Variants in ANO1 observed in about 807,000 individuals in gnomAD.
ANO1 encodes the protein anoctamin 1, also known as anoctamin-1.
ANO1 carries 59 observed loss-of-function variants against 124.0 expected under a neutral mutation model. The observed-to-expected ratio is 0.48, with a 90% CI of 0.39 to 0.59. ANO1 has a LOEUF of 0.59. ANO1 is among the 20% of genes least tolerant of loss of function. The probability of loss-of-function intolerance (pLI) is 0.00; values close to 1 mark genes in which losing one functional copy is unlikely to be tolerated. For missense variants in ANO1, 1,059 were observed against 1,328.0 expected, an observed-to-expected ratio of 0.80 and a Z score of 3.15; for synonymous variants, 529 against 532.0, an observed-to-expected ratio of 0.99 and a Z score of 0.08.
intron 7 of ANO1, among the ~76,000 whole-genome samples, chr11:70,112,000 T>C (rs1391162775): frequency 6.6e-6 from 1 of 152,134 alleles, no homozygotes; most frequent in African/African-American, 2.4e-5. Flanking sequence ...GGGTGGCAGC[T>C]GCTCCTGCCT....
intron 2 of ANO1, among the ~76,000 whole-genome samples, chr11:70,094,032 A>T (rs974155795): frequency 6.6e-6 from 1 of 152,130 alleles, no homozygotes; most frequent in Non-Finnish European, 1.5e-5. Context: ...TTCCTTGTGG[A>T]GTGGTGGGTG....
chr11:70,116,313 C>T (rs1417673183), intron 7 of ANO1, 145 bp from the exon 8 acceptor site: 3 of 901,414 alleles, frequency 3.3e-6, no homozygotes, highest in Middle Eastern at 2.3e-4. Context: ...GCAACCCTCA[C>T]ACTCTGTGTG....
chr11:70,080,055 C>T (rs1234650825), intron 1 of ANO1, among the ~76,000 whole-genome samples: 1 of 152,244 alleles, frequency 6.6e-6, no homozygotes, highest in Non-Finnish European at 1.5e-5. Flanking sequence ...CCCCTGGGCA[C>T]CCTCAAAGAA....
At chr11:70,089,042 G>A (rs1398462652) in intron 2 of ANO1, among the ~76,000 whole-genome samples, 2 of 152,208 alleles carry the variant, frequency 1.3e-5, no homozygotes, top group Non-Finnish European at 2.9e-5. Flanking sequence ...TAGCACAGCG[G>A]TGCTTCCTTC....
intron 8 of ANO1, among the ~76,000 whole-genome samples, chr11:70,121,632 G>GTCTGTCTC (rs1358658145): frequency 1.0e-5 from 1 of 98,234 alleles, no homozygotes; most frequent in South Asian, 3.3e-4. Flanking sequence ...CCACCTCTCT[G>GTCTGTCTC]TCTGTCTCTC....
intron 1 of ANO1, among the ~76,000 whole-genome samples, chr11:70,037,536 A>G (rs1591049836): frequency 6.6e-6 from 1 of 152,054 alleles, no homozygotes; most frequent in South Asian, 2.1e-4. Flanking sequence ...CCAAGGAAGG[A>G]CCCAGGTGGC....
the ANO1 span, among the ~76,000 whole-genome samples, chr11:69,979,121 TC>T: frequency 6.6e-6 from 1 of 152,216 alleles, no homozygotes; most frequent in Non-Finnish European, 1.5e-5. Flanking sequence ...CTTGAGCCTT[TC>T]ACCTGTCTCA....
In ANO1 at chr11:70,188,224, A is replaced by G; in HGVS notation, c.*220A>G. ...ATGCAGGGAATATTTTTTAATCTGT[A>G]GTATTCAAGATGAATCAAAATGATG... On this transcript the variant is annotated 3_prime_UTR_variant, in exon 26 of 26. Coordinates refer to ENST00000355303, the MANE Select transcript of ANO1 (RefSeq NM_018043.7). 1.6e-6 allele frequency: 1 copy of G among 614,550 alleles called. No homozygotes were observed. Among genetic ancestry groups the G allele is most frequent in the Non-Finnish European group, 2.8e-6 (1 of 356,230 alleles). 38.1% of individuals were successfully genotyped at this position (614,550 alleles called of 1,614,324 possible). A position where few individuals can be genotyped will look rare whatever the true frequency, so the allele number is the denominator to read the frequency against.
At chr11:70,154,546 A>G (rs911811803) in intron 14 of ANO1, among the ~76,000 whole-genome samples, 1 of 142,004 alleles carries the variant, frequency 7.0e-6, no homozygotes, top group South Asian at 2.2e-4. Flanking sequence ...AGCTCACTGC[A>G]AGCTCTGCCT....
At chr11:70,026,244 T>A in intron 1 of ANO1, among the ~76,000 whole-genome samples, 1 of 128,774 alleles carries the variant, frequency 7.8e-6, no homozygotes, top group Non-Finnish European at 1.7e-5. Flanking sequence ...ATGGTGGTGG[T>A]GATGACAATG....
At chr11:70,111,567 G>A in intron 6 of ANO1, 140 bp from the exon 7 acceptor site, 1 of 748,600 alleles carries the variant, frequency 1.3e-6, no homozygotes, top group Non-Finnish European at 2.3e-6. Flanking sequence ...CCCCAGAGGT[G>A]GCCGGGCTCT....
chr11:70,130,393 T>A (rs2046705125), intron 10 of ANO1, among the ~76,000 whole-genome samples: 1 of 152,174 alleles, frequency 6.6e-6, no homozygotes, highest in Non-Finnish European at 1.5e-5. Context: ...GAGCAGTAGA[T>A]GAGAGCCGGC....
chr11:70,049,199 A>C (rs562983458), intron 1 of ANO1, among the ~76,000 whole-genome samples: 163 of 152,300 alleles, frequency 1.1e-3, no homozygotes, highest in African/African-American at 3.9e-3. Context: ...CTGGAAGCTC[A>C]GCTCCCACCA....
At chr11:70,005,770 G>A (rs1460343758) in intron 1 of ANO1, among the ~76,000 whole-genome samples, 2 of 152,242 alleles carry the variant, frequency 1.3e-5, no homozygotes, top group African/African-American at 2.4e-5. Flanking sequence ...CCTTTAAAGT[G>A]TCTCTCCATC....
At chr11:69,992,499 G>A (rs11825851) in intron 1 of ANO1, among the ~76,000 whole-genome samples, 9,861 of 152,236 alleles carry the variant, frequency 0.065, 552 homozygotes, top group African/African-American at 0.15. Context: ...TTCTCTTGGT[G>A]AATCCATCAG....
At chr11:70,003,403 TGTC>T (rs2120352415) in intron 1 of ANO1, among the ~76,000 whole-genome samples, 1 of 152,334 alleles carries the variant, frequency 6.6e-6, no homozygotes, top group East Asian at 1.9e-4. Context: ...CTTGGCAGCA[TGTC>T]GTCACCAATT....
chr11:70,153,693 A>G (rs886242618), intron 14 of ANO1, among the ~76,000 whole-genome samples: 8 of 152,174 alleles, frequency 5.3e-5, no homozygotes, highest in African/African-American at 1.7e-4. Flanking sequence ...TGTCTCATTC[A>G]AATTAAGTCA....
At chr11:70,116,580 C>G in intron 8 of ANO1, 81 bp downstream of exon 8, 1 of 1,439,854 alleles carries the variant, frequency 6.9e-7, no homozygotes, top group Non-Finnish European at 9.5e-7. Context: ...GCAGCTGGAC[C>G]GAGGACTTAC....
At position 70,161,508 on chromosome 11, in the gene ANO1, G is replaced by A. The variant is rs552878414; in HGVS notation, c.1781-114G>A. ...ATGGGTATCCTGAGCACAGGCCATG[G>A]TGCGCCTATGAGAGCCGACTGAGTG... is the stretch of plus-strand genomic sequence containing the variant. On this transcript the variant is annotated intron_variant, in intron 17 of 25. Coordinates refer to ENST00000355303, the MANE Select transcript of ANO1 (RefSeq NM_018043.7). The A allele has an allele frequency of 6.7e-4, 933 of 1,384,812 alleles. 7 individuals are homozygous for A. Among genetic ancestry groups the A allele is most frequent in the Middle Eastern group, 1.9e-4 (1 of 5,162 alleles). The allele number at this position is 1,384,812 out of a possible 1,614,324, so 85.8% of individuals were successfully genotyped here.
Sources: gnomAD v4.1 joint callset for allele counts (sites outside exome capture counted in the v4.1 genomes callset) on GRCh38, gnomAD v4.1.1 for gene constraint, MANE v1.5 for transcripts, NCBI Gene and HGNC (gene_info 2026-07-23, HGNC 2026-07-21) for gene names.